Variants in PDE3B observed in about 807,000 individuals in gnomAD.
PDE3B encodes the protein cGMP-inhibited 3',5'-cyclic phosphodiesterase 3B.
Under a neutral mutation model 116.8 loss-of-function variants are expected in PDE3B, and 66 were observed. That is an observed-to-expected ratio of 0.56 (90% CI 0.46 to 0.69). The LOEUF (loss-of-function observed/expected upper bound fraction) is 0.69. PDE3B is among the 30% of genes least tolerant of loss of function. PDE3B has a pLI of 0.00. For synonymous variants in PDE3B, 595 were observed against 533.6 expected, an observed-to-expected ratio of 1.12 and a Z score of -1.59; for missense variants, 1,384 against 1,368.1, an observed-to-expected ratio of 1.01 and a Z score of -0.18.
chr11:14,718,408 G>A (rs1282739205), intron 1 of PDE3B, among the ~76,000 whole-genome samples: 1 of 144,192 alleles, frequency 6.9e-6, no homozygotes, highest in African/African-American at 2.6e-5. Flanking sequence ...ACTCATCTCT[G>A]CACCAAGTGG....
chr11:14,893,458 C>A, the PDE3B span, among the ~76,000 whole-genome samples: 2 of 152,174 alleles, frequency 1.3e-5, no homozygotes, highest in Non-Finnish European at 2.9e-5. Flanking sequence ...TAAAACCACA[C>A]AAATTTATTT....
chr11:14,724,965 T>C (rs1856238853), intron 1 of PDE3B, among the ~76,000 whole-genome samples: 1 of 152,214 alleles, frequency 6.6e-6, no homozygotes, highest in Non-Finnish European at 1.5e-5. Flanking sequence ...ATCTTTGCTG[T>C]CATGGAACCT....
At chr11:14,725,309 CTCTT>C (rs10534250) in intron 1 of PDE3B, among the ~76,000 whole-genome samples, 50,963 of 147,216 alleles carry the variant, frequency 0.35, 10,228 homozygotes, top group South Asian at 0.46. Context: ...TTCTTTCTTT[CTCTT>C]TCTTTCTTTC....
intron 4 of PDE3B, among the ~76,000 whole-genome samples, chr11:14,791,385 C>A (rs1261082437): frequency 1.3e-5 from 2 of 151,982 alleles, no homozygotes; most frequent in African/African-American, 4.8e-5. Flanking sequence ...CCAGGTTTCT[C>A]ATCATTCCAG....
intron 2 of PDE3B, among the ~76,000 whole-genome samples, chr11:14,782,108 G>A (rs1858023528): frequency 6.6e-6 from 1 of 152,160 alleles, no homozygotes; most frequent in African/African-American, 2.4e-5. Flanking sequence ...TGAGGGATGT[G>A]AAGGACCTCT....
intron 1 of PDE3B, among the ~76,000 whole-genome samples, chr11:14,716,359 G>T (rs1855892820): frequency 6.6e-6 from 1 of 151,844 alleles, no homozygotes; most frequent in African/African-American, 2.4e-5. Context: ...GCCCGCCATT[G>T]CCCAGGCTTG....
rs1853479021 is a variant in PDE3B, at chr11:14,648,586, T to C, written c.978+3533T>C. Among the ~76,000 whole-genome samples, 3 of 152,110 alleles carry C rather than the reference T, an allele frequency of 2.0e-5. No individual in the cohort carries two copies. The South Asian group carries it at 6.2e-4, about 32-fold the overall frequency. Reference sequence around the variant, plus strand: ...CTACATAATAATTTTATACTTTATTTTGTAAATATAGTATGTACTCTGCCA... The same window carrying C: ...CTACATAATAATTTTATACTTTATTCTGTAAATATAGTATGTACTCTGCCA... On this transcript the variant is annotated intron_variant, in intron 1 of 15. Coordinates refer to ENST00000282096, the MANE Select transcript of PDE3B (RefSeq NM_000922.4).
Position 14,692,950 on chromosome 11 carries a change from G to A in PDE3B, c.978+47897G>A, listed in dbSNP as rs1034526004. Among the ~76,000 whole-genome samples, 5 of 152,176 alleles carry A rather than the reference G, an allele frequency of 3.3e-5. 1 individual carries two copies. Among genetic ancestry groups the A allele is most frequent in the African/African-American group, 9.7e-5 (4 of 41,450 alleles). On this transcript the variant is annotated intron_variant, in intron 1 of 15. Coordinates refer to ENST00000282096, the MANE Select transcript of PDE3B (RefSeq NM_000922.4). ...CTAGGCTTCTTGAGCCAAACAGTTA[G>A]TCAAGCTGTGAATGCAAAGGAAAAG...
At chr11:14,798,168 T>C (rs1226065758) in intron 4 of PDE3B, among the ~76,000 whole-genome samples, 2 of 152,240 alleles carry the variant, frequency 1.3e-5, no homozygotes, top group East Asian at 3.8e-4. Flanking sequence ...CAAAGGACTT[T>C]TGTGCATCTA....
the PDE3B span, chr11:14,878,197 T>C: frequency 6.2e-7 from 1 of 1,613,288 alleles, no homozygotes; most frequent in South Asian, 1.1e-5. Flanking sequence ...GATCTGGAAC[T>C]AGTTCATGTG....
At chr11:14,712,463 CTTGTTTTT>C (rs1163132308) in intron 1 of PDE3B, among the ~76,000 whole-genome samples, 1 of 93,162 alleles carries the variant, frequency 1.1e-5, no homozygotes, top group Non-Finnish European at 2.1e-5. Flanking sequence ...GACGTACAAG[CTTGTTTTT>C]TTTTTTTTTT....
chr11:14,834,321 A>C (rs1292352902), intron 10 of PDE3B, among the ~76,000 whole-genome samples: 1 of 152,202 alleles, frequency 6.6e-6, no homozygotes, highest in Non-Finnish European at 1.5e-5. Context: ...GTATTATCTA[A>C]CTTTTATAGG....
intron 12 of PDE3B, among the ~76,000 whole-genome samples, chr11:14,851,259 G>T (rs1188995699): frequency 6.6e-6 from 1 of 151,952 alleles, no homozygotes; most frequent in Non-Finnish European, 1.5e-5. Flanking sequence ...ATGAAGAGTA[G>T]GTGCTCAGTG....
chr11:14,662,851 C>G (rs370474068), intron 1 of PDE3B, among the ~76,000 whole-genome samples: 28 of 152,116 alleles, frequency 1.8e-4, no homozygotes, highest in Non-Finnish European at 2.6e-4. Context: ...CTGAAAGTGA[C>G]GGGGAGAATG....
intron 1 of PDE3B, among the ~76,000 whole-genome samples, chr11:14,761,950 G>A (rs1350914267): frequency 6.6e-6 from 1 of 152,016 alleles, no homozygotes; most frequent in African/African-American, 2.4e-5. Flanking sequence ...AGTCTACTCT[G>A]ATGCTTTTTT....
At position 14,856,086 on chromosome 11, in the gene PDE3B, G is replaced by C. The variant is rs1017736140; in HGVS notation, c.2521-2957G>C. Reference sequence around the variant, plus strand: ...CTGGTGTGAGGTGATTAGACCATGGGGGCAGGTTCTCCCATGCTGTTCTTA... The same window carrying C: ...CTGGTGTGAGGTGATTAGACCATGGCGGCAGGTTCTCCCATGCTGTTCTTA... On this transcript the variant is annotated intron_variant, in intron 12 of 15. Transcript: ENST00000282096. Among the ~76,000 whole-genome samples the C allele has an allele frequency of 3.9e-5, 6 of 152,272 alleles. No individual in the cohort carries two copies. The East Asian group carries it at 1.2e-3, about 29-fold the overall frequency.
intron 5 of PDE3B, among the ~76,000 whole-genome samples, chr11:14,806,596 A>C (rs1341694607): frequency 6.6e-6 from 1 of 151,944 alleles, no homozygotes; most frequent in Non-Finnish European, 1.5e-5. Flanking sequence ...GCGGTGGCTC[A>C]TGCCTGTAAT....
intron 14 of PDE3B, among the ~76,000 whole-genome samples, chr11:14,867,118 TTCA>T (rs1555008174): frequency 6.6e-6 from 1 of 151,420 alleles, no homozygotes; most frequent in Non-Finnish European, 1.5e-5. Flanking sequence ...ACTTGCAAAA[TTCA>T]GCTCTGTACA....
chr11:14,862,815 G>A (rs1042539188), intron 14 of PDE3B, among the ~76,000 whole-genome samples: 1 of 152,042 alleles, frequency 6.6e-6, no homozygotes, highest in Non-Finnish European at 1.5e-5. Flanking sequence ...CTTGTGATCC[G>A]CCCACCTCGG....
Sources: gnomAD v4.1 joint callset for allele counts (sites outside exome capture counted in the v4.1 genomes callset) on GRCh38, gnomAD v4.1.1 for gene constraint, MANE v1.5 for transcripts, NCBI Gene and HGNC (gene_info 2026-07-23, HGNC 2026-07-21) for gene names.